The following MYO15A variants were observed in gnomAD, a reference collection of about 807,000 sequenced individuals.
The protein encoded by MYO15A is unconventional myosin-XV.
MYO15A carries 308 observed loss-of-function variants against 394.6 expected under a neutral mutation model. The ratio of observed to expected loss-of-function variants is 0.78; its 90% CI spans 0.71 to 0.86. MYO15A has a LOEUF of 0.86. MYO15A is among the 40% of genes least tolerant of loss of function. The pLI, the probability that MYO15A is intolerant of heterozygous loss-of-function variation, is 0.00. For missense variants in MYO15A, 4,606 were observed against 4,799.1 expected, an observed-to-expected ratio of 0.96 and a Z score of 1.19; for synonymous variants, 1,957 against 2,003.8, an observed-to-expected ratio of 0.98 and a Z score of 0.62.
intron 12 of MYO15A, among the ~76,000 whole-genome samples, chr17:18,133,660 C>T (rs1000399463): frequency 1.3e-5 from 2 of 151,898 alleles, no homozygotes; most frequent in African/African-American, 4.8e-5. Context: ...TTTTTATTGG[C>T]GGGGAGGGGT....
rs773842831 is a variant in MYO15A, at chr17:18,167,630, C to T, written c.9989C>T (p.Pro3330Leu). The part of the protein sequence containing the change: ...DYLKGLFSSV[P>L]ASRPSEQLLQ... ...CTGAAGGGACTCTTCAGCAGTGTGC[C>T]GGCCAGCCGGCCCAGCGAGCAGCTG... The change falls in exon 62 of 66, where the codon CCG becomes CTG. Residue 3330 changes from proline (P) to leucine (L), a missense_variant. Transcript: ENST00000647165. 2.6e-5 allele frequency: 41 copies of T among 1,603,646 alleles called. No individual in the cohort carries two copies. The highest frequency in any genetic ancestry group is 1.5e-4 in the Admixed American group (9 of 60,000).
At chr17:18,137,791 A>C in intron 16 of MYO15A, 112 bp downstream of exon 16, 2 of 1,233,852 alleles carry the variant, frequency 1.6e-6, no homozygotes, top group South Asian at 2.6e-5. Context: ...ATCAGTAGAC[A>C]GTAGAGGGAA....
chr17:18,136,817 C>G, intron 15 of MYO15A, 131 bp downstream of exon 15: 1 of 1,298,054 alleles, frequency 7.7e-7, no homozygotes, highest in Non-Finnish European at 1.1e-6. Context: ...TGGACCCCTC[C>G]CTGTCACCAT....
At position 18,119,088 on chromosome 17, in the gene MYO15A, G is replaced by C. The variant is rs1282856549; in HGVS notation, c.288G>C (p.Lys96Asn). 1 of 1,612,002 alleles carries C rather than the reference G, an allele frequency of 6.2e-7. No individual in the cohort carries two copies. Among genetic ancestry groups the C allele is most frequent in the African/African-American group, 1.3e-5 (1 of 75,058 alleles). Residue 96 changes from lysine (K) to asparagine (N), a missense_variant, in exon 2 of 66, where the codon AAG (lysine) becomes AAC (asparagine). By Grantham distance (94) the Lys-to-Asn change is moderately conservative. This residue lies in a region of MYO15A where 1,830 missense variants were observed against 1,689.7 expected (regional missense o/e 1.08). Coordinates refer to ENST00000647165, the MANE Select transcript of MYO15A (RefSeq NM_016239.4). ...LMTQMRMGKK[K>N]RAMKGKKPSF... ...CGCAGATGCGCATGGGCAAGAAGAA[G>C]CGGGCGATGAAGGGCAAGAAGCCGT...
chr17:18,134,834 T>G (rs923481326), intron 12 of MYO15A, among the ~76,000 whole-genome samples: 9 of 152,252 alleles, frequency 5.9e-5, no homozygotes, highest in Non-Finnish European at 1.0e-4. Flanking sequence ...AATCTATTTA[T>G]GTACTGTGTC....
intron 1 of MYO15A, among the ~76,000 whole-genome samples, chr17:18,110,710 G>A (rs896649303): frequency 2.0e-5 from 3 of 152,164 alleles, no homozygotes; most frequent in South Asian, 2.1e-4. Flanking sequence ...CTGGAAATGC[G>A]AAACAGTGAC....
At chr17:18,154,544 A>G (rs1315586396) in intron 44 of MYO15A, 136 bp from the exon 45 acceptor site, 2 of 882,988 alleles carry the variant, frequency 2.3e-6, no homozygotes, top group Non-Finnish European at 3.7e-6. Flanking sequence ...ATTTACACAG[A>G]TGACCCAGCT....
rs2046951891 is a variant in MYO15A at position 18,172,164 on chromosome 17, C to G, written c.10224C>G (p.Leu3408=). The G allele has an allele frequency of 6.2e-7, 1 of 1,614,108 alleles. No individual in the cohort carries two copies. The highest frequency in any genetic ancestry group is 1.3e-5 in the African/African-American group (1 of 74,944). ...HQARAQFLGL[L]SALPMFGSSF... ...CCCCCTCTCCCTGCCCAGGCCTCCT[C>G]AGCGCCTTACCTATGTTCGGCTCCT... The change falls in exon 64 of 66, where the codon CTC becomes CTG. Residue 3408 remains leucine, a synonymous_variant. Coordinates refer to ENST00000647165, the MANE Select transcript of MYO15A (RefSeq NM_016239.4).
Position 18,120,076 on chromosome 17 carries a change from G to T in MYO15A, c.1276G>T (p.Ala426Ser). 6.2e-7 allele frequency: 1 copy of T among 1,612,992 alleles called. No homozygotes were observed. Among genetic ancestry groups the T allele is most frequent in the Non-Finnish European group, 8.5e-7 (1 of 1,179,726 alleles). ...CATCCCGTCGCCCCACAACCCGTATGCCCACGCCATGGATGACATCGCCGA... is the reference window on the plus strand; with the variant it reads ...CATCCCGTCGCCCCACAACCCGTATTCCCACGCCATGGATGACATCGCCGA... ...PPIPSPHNPY[A>S]HAMDDIAELE... The change falls in exon 2 of 66, where the codon GCC (alanine) becomes TCC (serine). Residue 426 changes from alanine to serine, a missense_variant. By Grantham distance (99) the Ala-to-Ser change is moderately conservative. Transcript: ENST00000647165.
chr17:18,126,321 C>T (rs767709338), intron 4 of MYO15A, 26 bp from the exon 5 acceptor site: 16 of 1,600,166 alleles, frequency 1.0e-5, no homozygotes, highest in South Asian at 6.6e-5. Flanking sequence ...GGAGCCACGA[C>T]GCTGAGGCCA....
chr17:18,124,882 T>C, intron 3 of MYO15A: 2 of 587,252 alleles, frequency 3.4e-6, no homozygotes, highest in Non-Finnish European at 6.1e-6. Flanking sequence ...ACTCAAAACA[T>C]GAGGGCCGTG....
intron 60 of MYO15A, 32 bp from the exon 61 acceptor site, chr17:18,166,329 C>G (rs781484323): frequency 6.2e-7 from 1 of 1,607,252 alleles, no homozygotes. Context: ...CACACATGCC[C>G]CCACCCAGCC....
intron 50 of MYO15A, 115 bp downstream of exon 50, chr17:18,157,345 G>T: frequency 7.3e-7 from 1 of 1,374,878 alleles, no homozygotes. Context: ...GGCTGGTCAG[G>T]TCTCCTAAGG....
Position 18,121,485 on chromosome 17 carries a change from C to G in MYO15A, c.2685C>G (p.Pro895=), listed in dbSNP as rs1259449488. Reference sequence around the variant, plus strand: ...TGCGCCTGCCCTTCCACCGACCGCCCAGGGCCGGGGCCTGGCGGGCGCCCC... The same window carrying G: ...TGCGCCTGCCCTTCCACCGACCGCCGAGGGCCGGGGCCTGGCGGGCGCCCC... ...PQVRLPFHRP[P]RAGAWRAPLE... Residue 895 remains proline (P), a synonymous_variant, in exon 2 of 66, where the codon CCC becomes CCG. Coordinates refer to ENST00000647165, the MANE Select transcript of MYO15A (RefSeq NM_016239.4). This position sits in a 1 kb window ranked among gnomAD's most constrained non-coding sequence, Gnocchi z 5.3. 1 of 1,551,368 alleles carries G rather than the reference C, an allele frequency of 6.4e-7. No individual in the cohort carries two copies. The highest frequency in any genetic ancestry group is 1.4e-5 in the African/African-American group (1 of 73,134).
At chr17:18,157,924 G>T in intron 51 of MYO15A, 24 bp downstream of exon 51, 2 of 1,449,404 alleles carry the variant, frequency 1.4e-6, no homozygotes, top group Non-Finnish European at 1.8e-6. Flanking sequence ...GGGTGGGGTG[G>T]GGCGGGGTAG....
Position 18,155,168 on chromosome 17 carries a change from GGTCAGCACT to G in MYO15A, c.8285_8293del (p.Val2762_Thr2764del). 5 of 1,613,976 alleles carry G rather than the reference GGTCAGCACT, an allele frequency of 3.1e-6. No individual in the cohort carries two copies. The highest frequency in any genetic ancestry group is 4.2e-6 in the Non-Finnish European group (5 of 1,180,024). ...TAACGGAAAGCGTGAAGCGGGCCGT[GGTCAGCACT>G]GCACGAGACACCTGGGAGGTCTACT... On this transcript the variant is annotated inframe_deletion, in exon 46 of 66. Transcript: ENST00000647165.
chr17:18,153,858 T>C lies in MYO15A; in HGVS notation c.8050T>C (p.Tyr2684His), dbSNP rs376351191. The C allele has an allele frequency of 4.4e-5, 71 of 1,613,490 alleles. No homozygotes were observed. The highest frequency in any genetic ancestry group is 1.0e-4 in the Admixed American group (6 of 59,998). Residue 2684 changes from tyrosine (Y) to histidine (H), a missense_variant, in exon 43 of 66, where the codon TAT (tyrosine) becomes CAT (histidine). By Grantham distance (83) the Tyr-to-His change is moderately conservative (BLOSUM62 2). This residue lies in a region of MYO15A where 2,776 missense variants were observed against 3,109.3 expected (regional missense o/e 0.89). Transcript: ENST00000647165. This position sits in a 1 kb window ranked among gnomAD's most constrained non-coding sequence, Gnocchi z 4.1. ...CCTCATCAATCCCAACTTCTACGGC[T>C]ATCAGGACGCCCCCTGGAAGATCTT... ...HRLINPNFYG[Y>H]QDAPWKIFLR...
chr17:18,163,631 G>A, intron 59 of MYO15A, 111 bp from the exon 60 acceptor site: 1 of 999,262 alleles, frequency 1.0e-6, no homozygotes, highest in Non-Finnish European at 1.5e-6. Flanking sequence ...GTGCGCCTTT[G>A]TGAAGAGGGC....
At position 18,120,731 on chromosome 17, in the gene MYO15A, C is replaced by CGCCCGCGCCACA; in HGVS notation, c.1941_1952dup (p.Gln648_Pro651dup). 1 of 1,475,970 alleles carries CGCCCGCGCCACA rather than the reference C, an allele frequency of 6.8e-7. No individual in the cohort carries two copies. 91.4% of individuals were successfully genotyped at this position (1,475,970 alleles called of 1,614,324 possible). A position where few individuals can be genotyped will look rare whatever the true frequency, so the allele number is the denominator to read the frequency against. On this transcript the variant is annotated inframe_insertion, in exon 2 of 66. Coordinates refer to ENST00000647165, the MANE Select transcript of MYO15A (RefSeq NM_016239.4). ...CGCAGCAGCAACGACGCGCGCCGCC[C>CGCCCGCGCCACA]GCCCGCGCCACAGCCCGCGCCCAGG...
Sources: gnomAD v4.1 joint callset for allele counts (sites outside exome capture counted in the v4.1 genomes callset) on GRCh38, gnomAD v4.1.1 for gene constraint, gnomAD v4.1.1 regional missense constraint, Gnocchi (gnomAD v3.1) non-coding constraint, MANE v1.5 for transcripts, NCBI Gene and HGNC (gene_info 2026-07-23, HGNC 2026-07-21) for gene names.